Variants in PCNX1 observed in about 807,000 individuals in gnomAD.
The protein encoded by PCNX1 is pecanex-like protein 1.
Under a neutral mutation model 242.2 loss-of-function variants are expected in PCNX1, and 78 were observed. That is an observed-to-expected ratio of 0.32 (90% CI 0.27 to 0.39). The LOEUF (loss-of-function observed/expected upper bound fraction) is 0.39. PCNX1 is among the 10% of genes least tolerant of loss of function. The probability of loss-of-function intolerance (pLI) is 1.00; values close to 1 mark genes in which losing one functional copy is unlikely to be tolerated. For synonymous variants in PCNX1, 1,024 were observed against 1,032.9 expected (o/e 0.99, Z 0.17); for missense variants, 2,581 against 2,856.5 (o/e 0.90, Z 2.20).
chr14:71,062,625 A>G (rs1262104230), intron 26 of PCNX1, among the ~76,000 whole-genome samples: 1 of 152,168 alleles, frequency 6.6e-6, no homozygotes, highest in East Asian at 1.9e-4. Context: ...AAAAAAATTG[A>G]AAGTTTATAA....
chr14:70,961,984 T>C (rs1477719325), intron 2 of PCNX1, among the ~76,000 whole-genome samples: 1 of 152,226 alleles, frequency 6.6e-6, no homozygotes, highest in African/African-American at 2.4e-5. Context: ...GGATTTGATG[T>C]AGACAGTTTG....
At chr14:71,093,973 A>C (rs938919035) in intron 30 of PCNX1, 5 of 152,354 alleles carry the variant, frequency 3.3e-5, no homozygotes, top group African/African-American at 1.2e-4. Flanking sequence ...TGTTATTAGT[A>C]AGGCTTCTAG....
intron 6 of PCNX1, 119 bp downstream of exon 6, chr14:70,978,767 A>G (rs893534999): frequency 1.1e-6 from 1 of 903,240 alleles, no homozygotes; most frequent in African/African-American, 1.7e-5. Context: ...GTGTTATTAA[A>G]ATAAGCTTTC....
rs1595380247 is a variant in PCNX1, at chr14:71,051,948, C to T, written c.4513C>T (p.Leu1505=). The part of the protein sequence containing the change: ...AFFSTPLNPF[L]GSAIFITSYV... ...CTTCTCTACTCCACTGAACCCCTTT[C>T]TGGGAAGTGCAATATTCATCACTTC... Residue 1505 remains leucine (L), a synonymous_variant, in exon 24 of 36, where the codon CTG becomes TTG. Transcript: ENST00000304743. 1.2e-6 allele frequency: 2 copies of T among 1,613,232 alleles called. No individual in the cohort carries two copies. Among genetic ancestry groups the T allele is most frequent in the Admixed American group, 1.7e-5 (1 of 60,002 alleles).
intron 30 of PCNX1, 97 bp from the exon 31 acceptor site, chr14:71,101,893 T>C: frequency 1.6e-6 from 1 of 622,394 alleles, no homozygotes; most frequent in Non-Finnish European, 2.7e-6. Context: ...GAAATATTCA[T>C]AATAAACCAG....
intron 30 of PCNX1, among the ~76,000 whole-genome samples, chr14:71,091,056 G>C (rs539132245): frequency 3.3e-4 from 50 of 152,326 alleles, no homozygotes; most frequent in Admixed American, 9.2e-4. Context: ...AAACAGGGAG[G>C]TGAGAATGTA....
chr14:71,106,483 C>T (rs900773930), intron 33 of PCNX1, among the ~76,000 whole-genome samples: 1 of 151,678 alleles, frequency 6.6e-6, no homozygotes, highest in Non-Finnish European at 1.5e-5. Context: ...AAAATGAAAT[C>T]ACTAGGCCAA....
intron 17 of PCNX1, 25 bp from the exon 18 acceptor site, chr14:71,033,906 T>G (rs2060459982): frequency 8.5e-7 from 1 of 1,181,406 alleles, no homozygotes; most frequent in Admixed American, 2.4e-5. Flanking sequence ...CTATGTATTT[T>G]CTGTTTTTTT....
intron 5 of PCNX1, among the ~76,000 whole-genome samples, chr14:70,972,272 T>A (rs1595096754): frequency 7.6e-6 from 1 of 132,340 alleles, no homozygotes; most frequent in African/African-American, 2.8e-5. Flanking sequence ...GCAAGGGGGG[T>A]AAGTTAGGGG....
intron 7 of PCNX1, among the ~76,000 whole-genome samples, chr14:70,990,856 G>A (rs781010971): frequency 1.3e-5 from 2 of 152,012 alleles, no homozygotes; most frequent in Admixed American, 6.6e-5. Context: ...AGAGCTCAGC[G>A]TTTTATTTTA....
intron 2 of PCNX1, 34 bp downstream of exon 2, chr14:70,947,157 G>T (rs1467731616): frequency 2.9e-6 from 4 of 1,402,868 alleles, no homozygotes; most frequent in African/African-American, 2.8e-5. Context: ...TGATCGTAAT[G>T]ATTTAGATTG....
intron 1 of PCNX1, among the ~76,000 whole-genome samples, chr14:70,913,116 A>G (rs1041875264): frequency 6.6e-6 from 1 of 151,950 alleles, no homozygotes; most frequent in Admixed American, 6.5e-5. Flanking sequence ...CCACTTCCAT[A>G]CCTTGTAAGT....
intron 7 of PCNX1, among the ~76,000 whole-genome samples, chr14:70,994,893 C>G (rs936205718): frequency 2.0e-5 from 3 of 151,548 alleles, no homozygotes; most frequent in Non-Finnish European, 4.4e-5. Flanking sequence ...TCTCAAAATA[C>G]CAAGTATTTA....
intron 7 of PCNX1, among the ~76,000 whole-genome samples, chr14:70,994,396 G>GATATATAT (rs35068772): frequency 0.028 from 2,679 of 96,540 alleles, 132 homozygotes; most frequent in Non-Finnish European, 0.037. Context: ...ACAGGCTTAA[G>GATATATAT]ATATATATAT....
intron 28 of PCNX1, among the ~76,000 whole-genome samples, chr14:71,081,955 T>G (rs1434143483): frequency 6.6e-6 from 1 of 152,206 alleles, no homozygotes; most frequent in East Asian, 1.9e-4. Flanking sequence ...TGTTAGGGTG[T>G]TGATTTTAGA....
At chr14:71,025,022 C>T (rs769905236) in intron 13 of PCNX1, among the ~76,000 whole-genome samples, 4 of 152,004 alleles carry the variant, frequency 2.6e-5, no homozygotes, top group East Asian at 1.9e-4. Context: ...AATTTCTATC[C>T]GATTGTTTTA....
At chr14:71,015,919 G>A (rs1288589475) in intron 11 of PCNX1, among the ~76,000 whole-genome samples, 4 of 152,100 alleles carry the variant, frequency 2.6e-5, no homozygotes, top group African/African-American at 7.2e-5. Context: ...AGAAGACAGT[G>A]TGGTGGCTCA....
chr14:71,099,367 C>T (rs956307028), intron 30 of PCNX1, among the ~76,000 whole-genome samples: 3 of 152,108 alleles, frequency 2.0e-5, no homozygotes, highest in African/African-American at 7.2e-5. Context: ...ACCGTGTTAG[C>T]CAGGATGGTC....
chr14:71,013,330 A>G, intron 11 of PCNX1, 128 bp downstream of exon 11: 2 of 781,930 alleles, frequency 2.6e-6, no homozygotes, highest in South Asian at 2.8e-5. Context: ...TGTCCTCTGG[A>G]TATAAAACTT....
Sources: gnomAD v4.1 joint callset for allele counts (sites outside exome capture counted in the v4.1 genomes callset) on GRCh38, gnomAD v4.1.1 for gene constraint, MANE v1.5 for transcripts, NCBI Gene and HGNC (gene_info 2026-07-23, HGNC 2026-07-21) for gene names.